Variants in NAV2 observed in about 807,000 individuals in gnomAD.
The protein encoded by NAV2 is neuron navigator 2.
In NAV2, 54 loss-of-function variants were observed where a neutral mutation model predicts 223.2. That is an observed-to-expected ratio of 0.24 (90% CI 0.19 to 0.30). The LOEUF (loss-of-function observed/expected upper bound fraction) is 0.30. Ranked by LOEUF, NAV2 falls within the 10% of genes least tolerant of loss-of-function variation. NAV2 has a pLI of 1.00. For missense variants in NAV2, 2,806 were observed against 3,147.5 expected (o/e 0.89, Z 2.60); for synonymous variants, 1,279 against 1,239.3 (o/e 1.03, Z -0.67).
Position 19,734,499 on chromosome 11 carries a change from G to T in NAV2, c.267+20537G>T, listed in dbSNP as rs11025226. 1.6e-4 allele frequency among the ~76,000 whole-genome samples: 25 copies of T among 152,250 alleles called. No individual in the cohort carries two copies. The East Asian group carries it at 4.8e-3, about 29-fold the overall frequency. On this transcript the variant is annotated intron_variant, in intron 1 of 37. Transcript: ENST00000349880. ...ACCCAGGGTCTCTTTTCCTACAACCGCTTCCCCTTCCTTCCTATTCACCCT... is the reference window on the plus strand; with the variant it reads ...ACCCAGGGTCTCTTTTCCTACAACCTCTTCCCCTTCCTTCCTATTCACCCT...
chr11:19,685,083 G>A (rs558048710), intron 1 of NAV2, among the ~76,000 whole-genome samples: 1 of 152,168 alleles, frequency 6.6e-6, no homozygotes, highest in African/African-American at 2.4e-5. Context: ...GCTGACATCA[G>A]TCCTGACCCT....
At chr11:19,512,643 A>G (rs1031424577) in intron 1 of NAV2, among the ~76,000 whole-genome samples, 4 of 152,258 alleles carry the variant, frequency 2.6e-5, no homozygotes, top group Admixed American at 2.6e-4. Context: ...ATTGCTGAAT[A>G]ACTCGGGACC....
At chr11:19,631,184 C>T (rs187386877) in intron 1 of NAV2, among the ~76,000 whole-genome samples, 3 of 151,306 alleles carry the variant, frequency 2.0e-5, no homozygotes, top group African/African-American at 7.3e-5. Flanking sequence ...TATACATGTG[C>T]CACACTGGTG....
In NAV2 at chr11:20,008,065, T is replaced by C. The variant is rs183143256; in HGVS notation, c.2768+23818T>C. ...CAAATATTGCAGAACTGTCAGCCTG[T>C]GTATTTTAAGTTTAAATCAGGCCAG... On this transcript the variant is annotated intron_variant, in intron 11 of 37. Transcript: ENST00000349880. Among the ~76,000 whole-genome samples the C allele has an allele frequency of 3.9e-3, 594 of 152,336 alleles. 10 individuals are homozygous for C. Among genetic ancestry groups the C allele is most frequent in the African/African-American group, 0.014 (575 of 41,582 alleles).
intron 1 of NAV2, among the ~76,000 whole-genome samples, chr11:19,354,823 A>T (rs1316733803): frequency 6.6e-6 from 1 of 152,192 alleles, no homozygotes; most frequent in Non-Finnish European, 1.5e-5. Context: ...CTGTGGGAAG[A>T]TCAGGAGGCA....
intron 6 of NAV2, among the ~76,000 whole-genome samples, chr11:19,903,452 A>T (rs1306695162): frequency 6.6e-6 from 1 of 152,164 alleles, no homozygotes; most frequent in African/African-American, 2.4e-5. Flanking sequence ...CAATGCACAG[A>T]TAACAACTGC....
chr11:19,742,773 A>G (rs1320060878), intron 1 of NAV2, among the ~76,000 whole-genome samples: 3 of 152,232 alleles, frequency 2.0e-5, no homozygotes, highest in African/African-American at 7.2e-5. Flanking sequence ...GCCAGTCCAC[A>G]TGTGGATTAG....
At chr11:20,003,589 T>A (rs1235612046) in intron 11 of NAV2, among the ~76,000 whole-genome samples, 1 of 152,134 alleles carries the variant, frequency 6.6e-6, no homozygotes, top group African/African-American at 2.4e-5. Flanking sequence ...TCCCTCCATC[T>A]CTAAGTTAGT....
chr11:19,618,354 C>CTGGA (rs371135207), intron 1 of NAV2, among the ~76,000 whole-genome samples: 1,377 of 106,070 alleles, frequency 0.013, 40 homozygotes, highest in African/African-American at 0.032. Context: ...TGATGGATTG[C>CTGGA]TGGATGGATG....
intron 11 of NAV2, among the ~76,000 whole-genome samples, chr11:20,021,174 T>A (rs995310143): frequency 2.6e-5 from 4 of 152,234 alleles, no homozygotes; most frequent in Admixed American, 6.5e-5. Context: ...CTGTAAAATT[T>A]ACATTTTGTC....
rs1019360801 is a variant in NAV2, at chr11:19,790,724, T to A, written c.268-41760T>A. Among the ~76,000 whole-genome samples the A allele has an allele frequency of 1.5e-4, 23 of 152,248 alleles. 1 individual carries two copies. Among genetic ancestry groups the A allele is most frequent in the Admixed American group, 1.0e-3 (16 of 15,276 alleles). ...TGTATAGTAGGCTCTGAGTAAATGGTCACATCTTTTACTGCCCCCCAAGGT... is the reference window on the plus strand; with the variant it reads ...TGTATAGTAGGCTCTGAGTAAATGGACACATCTTTTACTGCCCCCCAAGGT... On this transcript the variant is annotated intron_variant, in intron 1 of 37. Transcript: ENST00000349880.
intron 1 of NAV2, among the ~76,000 whole-genome samples, chr11:19,431,135 A>C (rs74847984): frequency 0.074 from 11,286 of 152,256 alleles, 614 homozygotes; most frequent in Non-Finnish European, 0.11. Context: ...GCTAGTTTCC[A>C]CTGCTGTCCC....
Position 19,863,745 on chromosome 11 carries a change from A to G in NAV2, c.439-5180A>G, listed in dbSNP as rs550041845. Among the ~76,000 whole-genome samples, 3 of 152,236 alleles carry G rather than the reference A, an allele frequency of 2.0e-5. No homozygotes were observed. In the South Asian group the frequency reaches 6.2e-4, roughly 32 times the overall value. The stretch of plus-strand genomic sequence containing the variant: ...ACAGTAACCATAACAGCTTGTCATC[A>G]TATACTTATTTGTGCTTTCTTTATT... On this transcript the variant is annotated intron_variant, in intron 3 of 37. Transcript: ENST00000349880.
intron 1 of NAV2, among the ~76,000 whole-genome samples, chr11:19,577,915 C>T (rs1186291282): frequency 6.6e-6 from 1 of 152,194 alleles, no homozygotes; most frequent in South Asian, 2.1e-4. Flanking sequence ...AGACAATCAG[C>T]GACAGGCGCC....
chr11:19,565,802 C>T (rs1273557388), intron 1 of NAV2, among the ~76,000 whole-genome samples: 1 of 152,214 alleles, frequency 6.6e-6, no homozygotes, highest in Non-Finnish European at 1.5e-5. Flanking sequence ...GCAATGTACA[C>T]AACACTGTGC....
At chr11:19,974,523 C>T (rs1239807317) in intron 10 of NAV2, among the ~76,000 whole-genome samples, 3 of 152,206 alleles carry the variant, frequency 2.0e-5, no homozygotes, top group Non-Finnish European at 2.9e-5. Context: ...CAGTGGCTCA[C>T]GCCTGTAATC....
chr11:20,114,868 T>C, intron 37 of NAV2, 73 bp downstream of exon 37: 1 of 1,409,604 alleles, frequency 7.1e-7, no homozygotes, highest in Non-Finnish European at 9.8e-7. Context: ...ATGCAGAGCC[T>C]CTGGAAATAC....
At chr11:19,509,299 G>T (rs1243125437) in intron 1 of NAV2, among the ~76,000 whole-genome samples, 2 of 152,090 alleles carry the variant, frequency 1.3e-5, no homozygotes, top group Non-Finnish European at 2.9e-5. Context: ...GTCTGTGTGT[G>T]CATGCGCATG....
Position 19,934,006 on chromosome 11 carries a change from C to A in NAV2, c.1762C>A (p.Arg588=). 1 of 1,592,502 alleles carries A rather than the reference C, an allele frequency of 6.3e-7. No homozygotes were observed. The highest frequency in any genetic ancestry group is 8.5e-7 in the Non-Finnish European group (1 of 1,171,454). Residue 588 remains arginine (R), a synonymous_variant, in exon 7 of 38, where the codon CGG becomes AGG. Transcript: ENST00000349880. The part of the protein sequence containing the change: ...SAPAPSKEGE[R]SRSGKLSSGL... ...CCCAGCGCCTTCCAAGGAAGGGGAG[C>A]GGAGCCGGAGTGGGAAGCTGAGCTC...
Sources: allele counts gnomAD v4.1 joint callset (sites outside exome capture counted in the v4.1 genomes callset), GRCh38; gene constraint gnomAD v4.1.1; transcripts MANE v1.5; gene names NCBI Gene and HGNC (gene_info 2026-07-23, HGNC 2026-07-21).